Variants in PDE4D observed in about 807,000 individuals in gnomAD.
The protein encoded by PDE4D is phosphodiesterase 4D.
In PDE4D, 24 loss-of-function variants were observed where a neutral mutation model predicts 87.4. The observed-to-expected ratio is 0.27, with a 90% confidence interval of 0.20 to 0.39. The LOEUF (loss-of-function observed/expected upper bound fraction) is 0.39. Among genes scored for constraint, PDE4D ranks in the 10% least tolerant of loss-of-function variants. PDE4D has a pLI of 1.00. For synonymous variants in PDE4D, 384 were observed against 383.2 expected (o/e 1.00, Z -0.02); for missense variants, 714 against 1,041.0 (o/e 0.69, Z 4.32).
intron 1 of PDE4D, among the ~76,000 whole-genome samples, chr5:60,435,216 T>A (rs768262859): frequency 5.3e-4 from 80 of 152,256 alleles, no homozygotes; most frequent in Admixed American, 1.2e-3. Context: ...CAATGTGTTA[T>A]GCATTTTTCA....
chr5:60,200,751 G>T (rs1741803338), intron 1 of PDE4D, among the ~76,000 whole-genome samples: 1 of 152,082 alleles, frequency 6.6e-6, no homozygotes, highest in South Asian at 2.1e-4. Flanking sequence ...GGGAATTTCT[G>T]TAAGACAGTA....
At chr5:59,558,554 C>T (rs1240203996) in intron 1 of PDE4D, 1 of 152,024 alleles carries the variant, frequency 6.6e-6, no homozygotes, top group Non-Finnish European at 1.5e-5. Context: ...TCAATGCCAA[C>T]AATTTGAAGA....
intron 1 of PDE4D, chr5:59,586,525 C>T: frequency 7.2e-7 from 1 of 1,380,028 alleles, no homozygotes; most frequent in Non-Finnish European, 9.5e-7. Flanking sequence ...AAAAAAATCT[C>T]CCCCCACCAA....
At chr5:59,667,635 T>G (rs1746295570) in intron 1 of PDE4D, among the ~76,000 whole-genome samples, 1 of 152,178 alleles carries the variant, frequency 6.6e-6, no homozygotes, top group South Asian at 2.1e-4. Flanking sequence ...AGAATCATCT[T>G]AGATGTCTCA....
Position 60,320,542 on chromosome 5 carries a change from A to T in PDE4D, c.-89-134855T>A, listed in dbSNP as rs140182749. On this transcript the variant is annotated intron_variant, in intron 1 of 16. Coordinates refer to the PDE4D transcript ENST00000502484. ...GAGATGAACCTGGTACCTCTGTTGG[A>T]AATGCAGAAATCACCCATCTTCTGC... Among the ~76,000 whole-genome samples the T allele has an allele frequency of 0.012, 1,837 of 152,282 alleles. 61 individuals carry two copies. The East Asian group carries it at 0.13, about 11-fold the overall frequency.
At chr5:59,485,134 A>G (rs1804895492) in intron 1 of PDE4D, among the ~76,000 whole-genome samples, 1 of 152,196 alleles carries the variant, frequency 6.6e-6, no homozygotes, top group African/African-American at 2.4e-5. Flanking sequence ...GGGTTTTTAT[A>G]ACCTACCTAG....
intron 1 of PDE4D, among the ~76,000 whole-genome samples, chr5:59,253,321 T>G (rs1165172641): frequency 6.6e-6 from 1 of 152,172 alleles, no homozygotes; most frequent in East Asian, 1.9e-4. Context: ...GATTAACATA[T>G]CTTTATATAT....
At chr5:60,139,010 C>T (rs1028448056) in intron 2 of PDE4D, among the ~76,000 whole-genome samples, 4 of 151,968 alleles carry the variant, frequency 2.6e-5, no homozygotes, top group Admixed American at 2.0e-4. Flanking sequence ...TGGAAATTAG[C>T]AATCTCTCCA....
At chr5:60,484,467 T>A in intron 1 of PDE4D, among the ~76,000 whole-genome samples, 1 of 152,194 alleles carries the variant, frequency 6.6e-6, no homozygotes. Context: ...TTTTAAAAAT[T>A]GAAAATTTGC....
intron 1 of PDE4D, among the ~76,000 whole-genome samples, chr5:59,499,632 CT>C (rs891590908): frequency 6.6e-6 from 1 of 152,024 alleles, no homozygotes; most frequent in Admixed American, 6.6e-5. Flanking sequence ...TCCTCAGAGA[CT>C]ACTATGTACA....
intron 5 of PDE4D, among the ~76,000 whole-genome samples, chr5:59,113,211 A>G (rs554763263): frequency 3.9e-5 from 6 of 152,320 alleles, no homozygotes; most frequent in Admixed American, 6.5e-5. Flanking sequence ...AGCAAGCCAA[A>G]TATGAATGAT....
intron 1 of PDE4D, among the ~76,000 whole-genome samples, chr5:59,381,393 T>C (rs550260725): frequency 1.5e-3 from 230 of 152,262 alleles, no homozygotes; most frequent in Non-Finnish European, 2.5e-3. Context: ...CCTCATCTCT[T>C]AGCTAGAACT....
intron 2 of PDE4D, chr5:59,193,794 C>A (rs532366935): frequency 1.0e-6 from 1 of 985,326 alleles, no homozygotes; most frequent in South Asian, 4.7e-5. Flanking sequence ...TTTTTAGGCA[C>A]ACAGGATATG....
chr5:59,042,681 A>T (rs1464099690), intron 5 of PDE4D, among the ~76,000 whole-genome samples: 1 of 152,214 alleles, frequency 6.6e-6, no homozygotes, highest in Non-Finnish European at 1.5e-5. Flanking sequence ...AAATAAATTG[A>T]GCCTTGAAGG....
chr5:59,038,284 CTG>C (rs1258160468), intron 6 of PDE4D, among the ~76,000 whole-genome samples: 3 of 152,186 alleles, frequency 2.0e-5, no homozygotes, highest in Non-Finnish European at 4.4e-5. Context: ...CCTCAAAAAA[CTG>C]GGCTTTCTTT....
intron 5 of PDE4D, among the ~76,000 whole-genome samples, chr5:59,076,515 C>T (rs1019058931): frequency 6.6e-6 from 1 of 152,150 alleles, no homozygotes; most frequent in Non-Finnish European, 1.5e-5. Flanking sequence ...GCCCAGTGAC[C>T]GTAAATATCT....
chr5:59,363,287 C>T (rs974396607), intron 1 of PDE4D, among the ~76,000 whole-genome samples: 1 of 152,064 alleles, frequency 6.6e-6, no homozygotes, highest in Non-Finnish European at 1.5e-5. Flanking sequence ...TATATATTAT[C>T]CTCATAATAA....
chr5:59,623,196 T>C (rs1429998809), intron 1 of PDE4D, among the ~76,000 whole-genome samples: 1 of 152,234 alleles, frequency 6.6e-6, no homozygotes, highest in Non-Finnish European at 1.5e-5. Flanking sequence ...GCATAGTTTC[T>C]TCTGCTCCAA....
At chr5:59,909,212 C>A (rs1044623130) in intron 3 of PDE4D, among the ~76,000 whole-genome samples, 5 of 152,102 alleles carry the variant, frequency 3.3e-5, no homozygotes, top group African/African-American at 9.7e-5. Context: ...AAACCTTCAC[C>A]ATTTCACTCC....
Sources: gnomAD v4.1 joint callset for allele counts (sites outside exome capture counted in the v4.1 genomes callset) on GRCh38, gnomAD v4.1.1 for gene constraint, MANE v1.5 for transcripts, NCBI Gene and HGNC (gene_info 2026-07-23, HGNC 2026-07-21) for gene names.